EYS: variants seen among roughly 807,000 people sequenced by gnomAD.
EYS encodes protein eyes shut homolog.
A neutral mutation model predicts 282.1 loss-of-function variants in EYS; 250 were observed. The observed-to-expected ratio is 0.89, with a 90% CI of 0.80 to 0.98. The LOEUF (loss-of-function observed/expected upper bound fraction) is 0.98, where lower values mean the gene tolerates loss of function less well. EYS is among the 50% of genes least tolerant of loss of function. The pLI, the probability that EYS is intolerant of heterozygous loss-of-function variation, is 0.00. For missense variants in EYS, 4,016 were observed against 3,709.0 expected (o/e 1.08, Z -2.15); for synonymous variants, 1,355 against 1,282.9 (o/e 1.06, Z -1.20).
chr6:65,402,537 C>G lies in EYS; in HGVS notation c.1125G>C (p.Glu375Asp). Reference protein sequence around the residue: ...LLCKSIQTSCESFPLRNNATC... With the variant: ...LLCKSIQTSCDSFPLRNNATC... Reference sequence around the variant, plus strand: ...TAGCATTATTCCTCAAAGGAAATGACTCACATGATGTTTGAATGCTCTTAC... The same window carrying G: ...TAGCATTATTCCTCAAAGGAAATGAGTCACATGATGTTTGAATGCTCTTAC... The change falls in exon 7 of 43, where the codon GAG becomes GAC. Residue 375 changes from glutamate to aspartate, a missense_variant. Physicochemically the swap from Glu to Asp is conservative, Grantham distance 45. Coordinates refer to ENST00000503581, the MANE Select transcript of EYS (RefSeq NM_001142800.2). 6.4e-7 allele frequency: 1 copy of G among 1,554,558 alleles called. No homozygotes were observed. Among genetic ancestry groups the G allele is most frequent in the Non-Finnish European group, 8.9e-7 (1 of 1,126,824 alleles).
chr6:64,230,685 C>T lies in EYS; in HGVS notation c.6331G>A (p.Gly2111Arg), dbSNP rs1766399523. ...SVCQQDVCHNGGTCHAIFLSS... is the reference protein window; with the variant it reads ...SVCQQDVCHNRGTCHAIFLSS... Reference sequence around the variant, plus strand: ...AGGAAGATGGCATGGCATGTGCCTCCATTGTGGCATACATCCTGCTGGCAC... The same window carrying T: ...AGGAAGATGGCATGGCATGTGCCTCTATTGTGGCATACATCCTGCTGGCAC... The change falls in exon 31 of 43, where the codon GGA (glycine) becomes AGA (arginine). Residue 2111 changes from glycine to arginine, a missense_variant. Gly to Arg is a moderately radical substitution (Grantham distance 125). Transcript: ENST00000503581. 5 of 1,551,426 alleles carry T rather than the reference C, an allele frequency of 3.2e-6. No homozygotes were observed. The highest frequency in any genetic ancestry group is 1.7e-4 in the Middle Eastern group (1 of 6,014).
At chr6:64,107,432 A>G (rs1423866222) in intron 31 of EYS, among the ~76,000 whole-genome samples, 1 of 151,340 alleles carries the variant, frequency 6.6e-6, no homozygotes, top group African/African-American at 2.4e-5. Flanking sequence ...CTGGAGTCTG[A>G]TGTTTGAGGG....
chr6:65,115,525 A>C (rs1385365227), intron 12 of EYS, among the ~76,000 whole-genome samples: 1 of 152,056 alleles, frequency 6.6e-6, no homozygotes, highest in Non-Finnish European at 1.5e-5. Context: ...GCCTGACACT[A>C]TGTTAAAGGG....
intron 31 of EYS, among the ~76,000 whole-genome samples, chr6:64,187,401 C>A (rs1764979572): frequency 6.6e-6 from 1 of 152,006 alleles, no homozygotes. Flanking sequence ...TGTATCTATT[C>A]TAGAGAAATC....
At chr6:64,437,372 C>T (rs888375379) in intron 27 of EYS, among the ~76,000 whole-genome samples, 5 of 151,658 alleles carry the variant, frequency 3.3e-5, no homozygotes, top group African/African-American at 1.2e-4. Flanking sequence ...GAATTTCTTT[C>T]CCTTTGGTTT....
chr6:64,468,876 A>G (rs377140081), intron 26 of EYS, among the ~76,000 whole-genome samples: 2 of 152,276 alleles, frequency 1.3e-5, no homozygotes, highest in South Asian at 2.1e-4. Context: ...GTGTATACAT[A>G]TCATGCTTTC....
chr6:64,092,122 G>A (rs1436725962), intron 31 of EYS, among the ~76,000 whole-genome samples: 1 of 152,140 alleles, frequency 6.6e-6, no homozygotes, highest in Non-Finnish European at 1.5e-5. Context: ...TGGTGTATAT[G>A]TGCCACATTT....
At chr6:64,450,027 G>C (rs1439202071) in intron 26 of EYS, among the ~76,000 whole-genome samples, 1 of 152,014 alleles carries the variant, frequency 6.6e-6, no homozygotes, top group African/African-American at 2.4e-5. Flanking sequence ...AAATGTAAAT[G>C]GGATAAATGC....
At chr6:64,479,257 AG>A (rs1776365533) in intron 26 of EYS, among the ~76,000 whole-genome samples, 1 of 151,966 alleles carries the variant, frequency 6.6e-6, no homozygotes, top group East Asian at 1.9e-4. Flanking sequence ...ACCAACCTCA[AG>A]ACCCAGTCCT....
intron 12 of EYS, among the ~76,000 whole-genome samples, chr6:65,255,656 C>A (rs545031449): frequency 1.3e-5 from 2 of 151,964 alleles, no homozygotes; most frequent in East Asian, 3.9e-4. Context: ...GCTCAAATAA[C>A]AGGAAAAAAT....
intron 14 of EYS, among the ~76,000 whole-genome samples, chr6:64,986,388 G>A (rs1233119048): frequency 6.6e-6 from 1 of 151,252 alleles, no homozygotes; most frequent in African/African-American, 2.4e-5. Flanking sequence ...CTCACAGAAA[G>A]GTGAATGAAA....
chr6:64,913,282 C>T (rs2150077232), intron 15 of EYS, among the ~76,000 whole-genome samples: 1 of 152,054 alleles, frequency 6.6e-6, no homozygotes, highest in Middle Eastern at 3.4e-3. Context: ...AGATTCAGGG[C>T]TTACATGTGC....
chr6:64,634,029 G>A (rs1421354411), intron 22 of EYS, among the ~76,000 whole-genome samples: 2 of 152,134 alleles, frequency 1.3e-5, no homozygotes, highest in African/African-American at 4.8e-5. Context: ...TGACATCCAG[G>A]CTGGAGAGCA....
At chr6:64,282,549 C>T (rs1456269310) in intron 30 of EYS, among the ~76,000 whole-genome samples, 1 of 152,154 alleles carries the variant, frequency 6.6e-6, no homozygotes, top group Non-Finnish European at 1.5e-5. Flanking sequence ...AGCTGCCAGG[C>T]TTTAAGTCTT....
intron 29 of EYS, among the ~76,000 whole-genome samples, chr6:64,311,048 TTAAA>T (rs1051502664): frequency 7.1e-4 from 108 of 152,058 alleles, no homozygotes; most frequent in African/African-American, 2.3e-3. Flanking sequence ...ATTTAGTTTT[TTAAA>T]TAAAAATAAT....
At chr6:65,664,880 T>G (rs564000159) in intron 1 of EYS, among the ~76,000 whole-genome samples, 2 of 152,292 alleles carry the variant, frequency 1.3e-5, no homozygotes, top group South Asian at 4.1e-4. Flanking sequence ...TGTGCTTTGT[T>G]TTTTCTTTTC....
At chr6:65,241,517 C>A (rs1474121235) in intron 12 of EYS, among the ~76,000 whole-genome samples, 1 of 152,078 alleles carries the variant, frequency 6.6e-6, no homozygotes, top group Non-Finnish European at 1.5e-5. Context: ...ACCTAATTTT[C>A]TTTTCCCTCT....
chr6:65,495,124 A>G lies in EYS; in HGVS notation c.287T>C (p.Leu96Pro), dbSNP rs778344580. The change falls in exon 4 of 43, where the codon CTT becomes CCT. Residue 96 changes from leucine to proline, a missense_variant. Transcript: ENST00000503581. ...DILVISSEPS[L>P]QFPEINLMNV... Reference sequence around the variant, plus strand: ...CATCAAATTTATTTCTGGAAATTGAAGAGATGGTTCAGAAGAAATTACAAG... The same window carrying G: ...CATCAAATTTATTTCTGGAAATTGAGGAGATGGTTCAGAAGAAATTACAAG... 1 of 1,614,190 alleles carries G rather than the reference A, an allele frequency of 6.2e-7. No homozygotes were observed. The highest frequency in any genetic ancestry group is 8.5e-7 in the Non-Finnish European group (1 of 1,180,016).
chr6:65,042,637 A>T (rs796667309), intron 13 of EYS, among the ~76,000 whole-genome samples: 8 of 151,420 alleles, frequency 5.3e-5, no homozygotes, highest in African/African-American at 1.7e-4. Flanking sequence ...CATATTTGTT[A>T]TGTTTATTAT....
Sources: allele counts gnomAD v4.1 joint callset (sites outside exome capture counted in the v4.1 genomes callset), GRCh38; gene constraint gnomAD v4.1.1; transcripts MANE v1.5; gene names NCBI Gene and HGNC (gene_info 2026-07-23, HGNC 2026-07-21).